SECISBP2L: variants seen among roughly 807,000 people sequenced by gnomAD.
SECISBP2L encodes selenocysteine insertion sequence-binding protein 2-like.
In SECISBP2L, 43 loss-of-function variants were observed where a neutral mutation model predicts 114.7. That is an observed-to-expected ratio of 0.38 (90% CI 0.29 to 0.48). The LOEUF is 0.48. SECISBP2L is among the 20% of genes least tolerant of loss of function. The pLI is 0.98. For missense variants in SECISBP2L, 1,136 were observed against 1,301.1 expected, an observed-to-expected ratio of 0.87 and a Z score of 1.95; for synonymous variants, 451 against 439.7, an observed-to-expected ratio of 1.03 and a Z score of -0.32.
chr15:49,002,612 CTT>C (rs1902234689), intron 14 of SECISBP2L, among the ~76,000 whole-genome samples: 2 of 152,114 alleles, frequency 1.3e-5, no homozygotes, highest in Admixed American at 6.6e-5. Flanking sequence ...ATTAATTCAT[CTT>C]GAGTTAATTT....
intron 7 of SECISBP2L, among the ~76,000 whole-genome samples, chr15:49,024,243 A>C (rs529731042): frequency 1.7e-4 from 26 of 152,168 alleles, no homozygotes; most frequent in Non-Finnish European, 3.7e-4. Context: ...CACCCCTGTA[A>C]TCCCAATACT....
chr15:48,992,960 A>G (rs1167477838), intron 17 of SECISBP2L, 34 bp from the exon 18 acceptor site: 6 of 1,548,678 alleles, frequency 3.9e-6, no homozygotes, highest in African/African-American at 1.4e-5. Flanking sequence ...TAAAAACCAG[A>G]ACACTGTTTC....
intron 1 of SECISBP2L, among the ~76,000 whole-genome samples, chr15:49,040,250 G>T (rs1222322341): frequency 6.6e-6 from 1 of 152,230 alleles, no homozygotes; most frequent in East Asian, 1.9e-4. Context: ...TGCAATTCTA[G>T]TTATCAGAGT....
chr15:49,006,822 A>G (rs1252599190), intron 14 of SECISBP2L, among the ~76,000 whole-genome samples: 3 of 152,084 alleles, frequency 2.0e-5, no homozygotes, highest in South Asian at 2.1e-4. Flanking sequence ...TTCTCCGTCT[A>G]GTTTTGTTCC....
intron 13 of SECISBP2L, among the ~76,000 whole-genome samples, chr15:49,010,063 T>C (rs977555697): frequency 1.9e-4 from 29 of 149,306 alleles, no homozygotes; most frequent in African/African-American, 7.0e-4. Flanking sequence ...AACCCGGAGG[T>C]GGAGGTTGCA....
chr15:49,021,937 A>C (rs1245478830), intron 7 of SECISBP2L, among the ~76,000 whole-genome samples: 1 of 152,232 alleles, frequency 6.6e-6, no homozygotes, highest in Non-Finnish European at 1.5e-5. Flanking sequence ...AACAAAGCAG[A>C]AGCTACGGCT....
At chr15:49,037,844 AAG>A (rs1167585340) in intron 1 of SECISBP2L, 75 bp from the exon 2 acceptor site, 6 of 1,288,062 alleles carry the variant, frequency 4.7e-6, no homozygotes, top group African/African-American at 1.5e-5. Flanking sequence ...TTAACAACAG[AAG>A]AGTCAGTCCT....
chr15:49,020,734 C>T (rs1354774921), intron 7 of SECISBP2L, among the ~76,000 whole-genome samples: 1 of 152,096 alleles, frequency 6.6e-6, no homozygotes, highest in Non-Finnish European at 1.5e-5. Flanking sequence ...GTCTGCAACT[C>T]CTGGGCTCAA....
Position 48,996,590 on chromosome 15 carries a change from A to C in SECISBP2L, c.2404-4T>G, listed in dbSNP as rs1902097008. On this transcript the variant is annotated splice_polypyrimidine_tract_variant and splice_region_variant and intron_variant, in intron 16 of 17. Coordinates refer to ENST00000559471, the MANE Select transcript of SECISBP2L (RefSeq NM_001193489.2). ...CTACTAATTTATTAAACAGGCTCTG[A>C]AAAGAAAGAGTATTTTGATTAATCC... The C allele has an allele frequency of 6.2e-7, 1 of 1,609,546 alleles. No homozygotes were observed. The highest frequency in any genetic ancestry group is 1.1e-5 in the South Asian group (1 of 90,024).
Position 49,009,302 on chromosome 15 carries a change from C to T in SECISBP2L, c.1941G>A (p.Val647=). 6.2e-7 allele frequency: 1 copy of T among 1,614,140 alleles called. No homozygotes were observed. Among genetic ancestry groups the T allele is most frequent in the Non-Finnish European group, 8.5e-7 (1 of 1,180,010 alleles). The stretch of plus-strand genomic sequence containing the variant: ...CAGAACTAGCAGGAGAGCCTTGTGA[C>T]ACAGGTGTCATACAGTATGGAGAGT... ...SQNSPYCMTP[V]SQGSPASSGI... The change falls in exon 14 of 18, where the codon GTG becomes GTA. Residue 647 remains valine (V), a synonymous_variant. Coordinates refer to ENST00000559471, the MANE Select transcript of SECISBP2L (RefSeq NM_001193489.2).
chr15:48,996,647 G>T, intron 16 of SECISBP2L, 61 bp from the exon 17 acceptor site: 1 of 1,416,638 alleles, frequency 7.1e-7, no homozygotes, highest in Non-Finnish European at 9.8e-7. Flanking sequence ...TTCCTATTAT[G>T]GATAATAAAT....
chr15:49,017,739 G>T (rs1199676866), intron 8 of SECISBP2L, 111 bp from the exon 9 acceptor site: 2 of 681,670 alleles, frequency 2.9e-6, no homozygotes, highest in Non-Finnish European at 4.7e-6. Flanking sequence ...TTCTATTACT[G>T]AATTATTCAA....
In SECISBP2L at chr15:49,037,646, T is replaced by C. The variant is rs1595796980; in HGVS notation, c.148A>G (p.Ile50Val). 5.0e-6 allele frequency: 8 copies of C among 1,613,884 alleles called. No individual in the cohort carries two copies. The highest frequency in any genetic ancestry group is 6.8e-6 in the Non-Finnish European group (8 of 1,179,890). The change falls in exon 2 of 18, where the codon ATT becomes GTT. Residue 50 changes from isoleucine (I) to valine (V), a missense_variant. Physicochemically the swap from Ile to Val is conservative, Grantham distance 29 (BLOSUM62 3). Coordinates refer to ENST00000559471, the MANE Select transcript of SECISBP2L (RefSeq NM_001193489.2). ...GSVSGVEPTP[I>V]PSYLITCYPF... ...TAACAAGTAATCAGGTAGCTGGGAA[T>C]TGGAGTTGGTTCCACACCAGAAACA...
At chr15:49,018,950 G>A (rs1348763183) in intron 8 of SECISBP2L, among the ~76,000 whole-genome samples, 1 of 152,214 alleles carries the variant, frequency 6.6e-6, no homozygotes, top group Non-Finnish European at 1.5e-5. Flanking sequence ...GTAAGAATCT[G>A]TTAGATGAAT....
chr15:49,034,490 C>T (rs920476860), intron 3 of SECISBP2L, among the ~76,000 whole-genome samples: 3 of 150,182 alleles, frequency 2.0e-5, no homozygotes, highest in African/African-American at 7.4e-5. Context: ...CTTCCATTTT[C>T]TTCAGTCTTA....
intron 4 of SECISBP2L, among the ~76,000 whole-genome samples, chr15:49,029,519 T>C (rs1256772313): frequency 6.6e-6 from 1 of 152,190 alleles, no homozygotes; most frequent in Non-Finnish European, 1.5e-5. Context: ...TGCCTTTACA[T>C]GAATATACCA....
intron 14 of SECISBP2L, among the ~76,000 whole-genome samples, chr15:49,008,880 T>C (rs558494874): frequency 1.3e-5 from 2 of 152,226 alleles, no homozygotes; most frequent in South Asian, 4.1e-4. Flanking sequence ...GAAGGGCCAA[T>C]AATATAAACA....
At position 49,019,407 on chromosome 15, in the gene SECISBP2L, G is replaced by GA. The variant is rs1234550909; in HGVS notation, c.1170+10dup. 6.4e-6 allele frequency: 9 copies of GA among 1,417,248 alleles called. No homozygotes were observed. The highest frequency in any genetic ancestry group is 3.4e-5 in the Admixed American group (1 of 29,776). The allele number at this position is 1,417,248 out of a possible 1,614,324, so 87.8% of individuals were successfully genotyped here. A position where few individuals can be genotyped will look rare whatever the true frequency, so the allele number is the denominator to read the frequency against. On this transcript the variant is annotated intron_variant, in intron 8 of 17. Transcript: ENST00000559471. ...CTATAACAGCTTACAAATAGAGTTT[G>GA]AAAAAAATACCTCAAAATATAAAGA... is the stretch of plus-strand genomic sequence containing the variant.
intron 11 of SECISBP2L, among the ~76,000 whole-genome samples, chr15:49,014,236 C>T (rs908353080): frequency 6.6e-6 from 1 of 152,206 alleles, no homozygotes; most frequent in African/African-American, 2.4e-5. Context: ...TCCTTGCCTT[C>T]TGTAACATTA....
Sources: allele counts gnomAD v4.1 joint callset (sites outside exome capture counted in the v4.1 genomes callset), GRCh38; gene constraint gnomAD v4.1.1; transcripts MANE v1.5; gene names NCBI Gene and HGNC (gene_info 2026-07-23, HGNC 2026-07-21).